TLE2: variants seen among roughly 807,000 people sequenced by gnomAD.
TLE2 encodes the protein transducin-like enhancer protein 2.
TLE2 carries 74 observed loss-of-function variants against 97.2 expected under a neutral mutation model. The observed-to-expected ratio is 0.76, with a 90% CI of 0.63 to 0.92. TLE2 has a LOEUF of 0.92. Among genes scored for constraint, TLE2 ranks in the 40% least tolerant of loss-of-function variants. The pLI is 0.00. For missense variants in TLE2, 1,038 were observed against 1,008.7 expected (o/e 1.03, Z -0.39); for synonymous variants, 499 against 432.1 (o/e 1.15, Z -1.92).
Position 3,019,143 on chromosome 19 carries a change from C to T in TLE2, c.550+140G>A. ...GAACTCCTGGGCTCAAGCGATCCTC[C>T]CGCCTCGGCCTCCCAAATTGTTGGG... On this transcript the variant is annotated intron_variant, in intron 7 of 19. Transcript: ENST00000262953. The surrounding 1 kb of genome is among the most constrained non-coding windows in gnomAD (Gnocchi z 5.1). The T allele has an allele frequency of 3.2e-6, 4 of 1,258,184 alleles. No individual in the cohort carries two copies. Among genetic ancestry groups the T allele is most frequent in the Non-Finnish European group, 4.3e-6 (4 of 921,774 alleles). 77.9% of individuals were successfully genotyped at this position (1,258,184 alleles called of 1,614,324 possible).
chr19:3,040,566 T>C (rs2145232071), intron 1 of TLE2, among the ~76,000 whole-genome samples: 1 of 152,226 alleles, frequency 6.6e-6, no homozygotes, highest in Admixed American at 6.5e-5. Flanking sequence ...TTCGAACTCC[T>C]GGCCTCAAGG....
intron 4 of TLE2, chr19:3,025,668 G>T: frequency 1.1e-6 from 1 of 948,504 alleles, no homozygotes; most frequent in Non-Finnish European, 1.3e-6. Flanking sequence ...ACGAGAAGGC[G>T]TGTGGGTGGG....
rs2090136157 is a variant in TLE2, at chr19:3,045,647, C to T, written c.63+79G>A. ...GCCTGGCCAACATGGTGAAACCACC[C>T]CCCACCCCACCCCGTCTCTACTAAA... On this transcript the variant is annotated intron_variant, in intron 1 of 18. Transcript: ENST00000426948. The T allele has an allele frequency of 1.6e-5, 6 of 385,186 alleles. 1 individual carries two copies. In the Admixed American group the frequency reaches 1.7e-4, roughly 11 times the overall value. The allele number at this position is 385,186 out of a possible 1,614,324, so 23.9% of individuals were successfully genotyped here.
intron 9 of TLE2, 98 bp downstream of exon 9, chr19:3,015,555 G>C (rs2089683568): frequency 1.1e-6 from 1 of 943,110 alleles, no homozygotes; most frequent in Non-Finnish European, 1.6e-6. Flanking sequence ...TCCGGAGTGA[G>C]AGAATTATGG....
chr19:3,028,810 G>GA lies in TLE2; in HGVS notation c.25-8_25-7insT. The GA allele has an allele frequency of 1.2e-6, 2 of 1,612,346 alleles. No homozygotes were observed. The highest frequency in any genetic ancestry group is 2.2e-5 in the South Asian group (2 of 91,072). ...GGCCGGACTGGAGCGGGGTCTGGGG[G>GA]GGGTGTGGGGGAAACGTCAGGGTCT... is the stretch of plus-strand genomic sequence containing the variant. On this transcript the variant is annotated splice_region_variant and splice_polypyrimidine_tract_variant and intron_variant, in intron 1 of 19. Coordinates refer to ENST00000262953, the MANE Select transcript of TLE2 (RefSeq NM_003260.5).
At chr19:3,043,518 A>G (rs1273425899) in intron 1 of TLE2, among the ~76,000 whole-genome samples, 1 of 151,494 alleles carries the variant, frequency 6.6e-6, no homozygotes, top group African/African-American at 2.4e-5. Context: ...TCTACCTGGG[A>G]CCTGCATCAT....
chr19:3,045,127 T>C (rs1454083626), intron 1 of TLE2, among the ~76,000 whole-genome samples: 1 of 152,064 alleles, frequency 6.6e-6, no homozygotes, highest in African/African-American at 2.4e-5. Context: ...CATGGGAGGA[T>C]CACCTGAGCC....
chr19:3,044,532 T>C (rs746457130), intron 1 of TLE2, among the ~76,000 whole-genome samples: 13 of 152,216 alleles, frequency 8.5e-5, no homozygotes, highest in Non-Finnish European at 1.8e-4. Context: ...TGATTCTCCT[T>C]CCTCAGCTTC....
At chr19:3,040,893 C>G (rs1599257081) in intron 1 of TLE2, among the ~76,000 whole-genome samples, 1 of 148,872 alleles carries the variant, frequency 6.7e-6, no homozygotes, top group East Asian at 2.0e-4. Flanking sequence ...GCAGTGAGAC[C>G]TTTTAACCCC....
In TLE2 at chr19:3,013,784, G is replaced by T. The variant is rs1385264462; in HGVS notation, c.758C>A (p.Thr253Asn). ...QPSEPPSPATTPCGKVPICIP... is the reference protein window; with the variant it reads ...QPSEPPSPATNPCGKVPICIP... ...GCAGATGGGTACCTTTCCGCAGGGGGTGGTAGCCGGGCTGGGGGGCTCTGA... is the reference window on the plus strand; with the variant it reads ...GCAGATGGGTACCTTTCCGCAGGGGTTGGTAGCCGGGCTGGGGGGCTCTGA... Residue 253 changes from threonine to asparagine, a missense_variant, in exon 11 of 20, where the codon ACC (threonine) becomes AAC (asparagine). Thr to Asn is a moderately conservative substitution (Grantham distance 65, BLOSUM62 0). Coordinates refer to ENST00000262953, the MANE Select transcript of TLE2 (RefSeq NM_003260.5). The T allele has an allele frequency of 1.3e-6, 2 of 1,559,588 alleles. No homozygotes were observed. Among genetic ancestry groups the T allele is most frequent in the Non-Finnish European group, 1.7e-6 (2 of 1,156,078 alleles).
chr19:3,005,645 G>A (rs1308125617), intron 16 of TLE2, 61 bp from the exon 17 acceptor site: 3 of 1,608,562 alleles, frequency 1.9e-6, no homozygotes, highest in Non-Finnish European at 2.5e-6. Flanking sequence ...CATCGTCCCA[G>A]GTCACACTCC....
At chr19:3,047,056 T>TCCCCTCCCTC (rs1222155230), upstream of TLE2, among the ~76,000 whole-genome samples, 1 of 21,368 alleles carries the variant, frequency 4.7e-5, no homozygotes, top group African/African-American at 2.1e-4. Flanking sequence ...TCCCTCTCCC[T>TCCCCTCCCTC]CCCCTCCCTC....
chr19:3,035,741 G>A (rs2090057434), intron 1 of TLE2, among the ~76,000 whole-genome samples: 1 of 152,212 alleles, frequency 6.6e-6, no homozygotes, highest in Non-Finnish European at 1.5e-5. Flanking sequence ...TAGGAGACCA[G>A]CAACCAATGG....
intron 8 of TLE2, among the ~76,000 whole-genome samples, chr19:3,016,761 C>T (rs538330580): frequency 3.3e-5 from 5 of 151,984 alleles, no homozygotes; most frequent in South Asian, 4.2e-4. Context: ...TTTAATTACC[C>T]GAAAAAAGCT....
Position 3,015,664 on chromosome 19 carries a change from A to C in TLE2, c.667T>G (p.Ser223Ala). The change falls in exon 9 of 20, where the codon TCA (serine) becomes GCA (alanine). Residue 223 changes from serine (S) to alanine (A), a missense_variant. Ser to Ala is a moderately conservative substitution (Grantham distance 99). Transcript: ENST00000262953. Reference sequence around the variant, plus strand: ...CTGCCCCCACTCACATAAGGTCCTGATGGCTCCTTCTCATCTGCTCTCTGC... The same window carrying C: ...CTGCCCCCACTCACATAAGGTCCTGCTGGCTCCTTCTCATCTGCTCTCTGC... ...GKQRADEKEP[S>A]GPYESDEDKS... The C allele has an allele frequency of 6.2e-7, 1 of 1,608,724 alleles. No individual in the cohort carries two copies. Among genetic ancestry groups the C allele is most frequent in the Non-Finnish European group, 8.5e-7 (1 of 1,178,194 alleles).
intron 17 of TLE2, among the ~76,000 whole-genome samples, chr19:3,003,022 G>A (rs907409875): frequency 3.9e-5 from 6 of 152,098 alleles, no homozygotes; most frequent in Non-Finnish European, 7.4e-5. Flanking sequence ...GATATTGGGG[G>A]GTGCCCAGCA....
At chr19:3,009,794 GT>G in intron 12 of TLE2, 92 bp from the exon 13 acceptor site, 2 of 1,467,550 alleles carry the variant, frequency 1.4e-6, no homozygotes, top group Non-Finnish European at 1.8e-6. Context: ...TTCATTTAGA[GT>G]TTCCATGTGC....
At chr19:3,046,179 G>A (rs1250521151), upstream of TLE2, among the ~76,000 whole-genome samples, 1 of 152,168 alleles carries the variant, frequency 6.6e-6, no homozygotes, top group Non-Finnish European at 1.5e-5. Flanking sequence ...TGATGTCCGT[G>A]GGCCTCAGTT....
intron 17 of TLE2, 130 bp downstream of exon 17, chr19:3,005,304 CAAG>C (rs1346511994): frequency 1.6e-6 from 2 of 1,264,244 alleles, no homozygotes; most frequent in East Asian, 5.1e-5. Flanking sequence ...GTCTGGGGGA[CAAG>C]AAAGATGGAC....
Sources: gnomAD v4.1 joint callset for allele counts (sites outside exome capture counted in the v4.1 genomes callset) on GRCh38, gnomAD v4.1.1 for gene constraint, Gnocchi (gnomAD v3.1) non-coding constraint, MANE v1.5 for transcripts, NCBI Gene and HGNC (gene_info 2026-07-23, HGNC 2026-07-21) for gene names.